The following TSBP1 variants were observed in gnomAD, a reference collection of about 807,000 sequenced individuals.
The protein encoded by TSBP1 is testis expressed basic protein 1, also known as testis-expressed basic protein 1.
Under a neutral mutation model 68.8 loss-of-function variants are expected in TSBP1, and 56 were observed. The ratio of observed to expected loss-of-function variants is 0.81; its 90% CI spans 0.66 to 1.02. The LOEUF is 1.02. Ranked by LOEUF, TSBP1 falls within the 50% of genes least tolerant of loss-of-function variation. The probability of loss-of-function intolerance (pLI) is 0.00; values close to 1 mark genes in which losing one functional copy is unlikely to be tolerated. For synonymous variants in TSBP1, 171 were observed against 208.7 expected (o/e 0.82, Z 1.56); for missense variants, 502 against 641.2 (o/e 0.78, Z 2.34).
chr6:32,361,041 C>T lies in TSBP1; in HGVS notation c.217+5126G>A, dbSNP rs1213080673. 3.3e-5 allele frequency among the ~76,000 whole-genome samples: 5 copies of T among 152,058 alleles called. No homozygotes were observed. The highest frequency in any genetic ancestry group is 9.7e-5 in the African/African-American group (4 of 41,368). On this transcript the variant is annotated intron_variant, in intron 6 of 22. Coordinates refer to ENST00000612031, the Ensembl canonical transcript of TSBP1. The surrounding 1 kb of genome is among the most constrained non-coding windows in gnomAD (Gnocchi z 4.3). ...CTATCCCTCCCTGCTTCCCCCACCC[C>T]GCAACAGGCCCCAGTGTGTGATGTT...
At chr6:32,293,870 G>A (rs1388553888) in exon 23 of TSBP1, 12 of 1,612,790 alleles carry the variant, frequency 7.4e-6, no homozygotes, top group Non-Finnish European at 5.1e-6. Context: ...TATGTGTGCT[G>A]ATTTCAAGGA....
intron 4 of TSBP1, 144 bp downstream of exon 4, chr6:32,367,781 A>AAGAG (rs3038543): frequency 0.79 from 406,306 of 517,474 alleles, 161,334 homozygotes; most frequent in East Asian, 0.94. Context: ...TTTCTTGAGA[A>AAGAG]AGAGAGGAGT....
In TSBP1 at chr6:32,316,416, T is replaced by G; in HGVS notation, c.560-624A>C. 6.4e-7 allele frequency: 1 copy of G among 1,555,002 alleles called. No homozygotes were observed. The highest frequency in any genetic ancestry group is 8.7e-7 in the Non-Finnish European group (1 of 1,148,562). On this transcript the variant is annotated intron_variant, in intron 18 of 22. Transcript: ENST00000612031. The surrounding 1 kb of genome is among the most constrained non-coding windows in gnomAD (Gnocchi z 4.5). ...TACTTATAGGTGCTGCCAGCTGACCTAAAAAAATTAGATATCAGTGAAGAT... is the reference window on the plus strand; with the variant it reads ...TACTTATAGGTGCTGCCAGCTGACCGAAAAAAATTAGATATCAGTGAAGAT...
At chr6:32,346,436 A>C (rs1048171817) in intron 9 of TSBP1, among the ~76,000 whole-genome samples, 1 of 152,158 alleles carries the variant, frequency 6.6e-6, no homozygotes, top group African/African-American at 2.4e-5. Context: ...CTTACTCCCT[A>C]AAACACACCA....
chr6:32,370,083 T>C (rs1774213966), intron 1 of TSBP1, 100 bp from the exon 2 acceptor site: 1 of 767,706 alleles, frequency 1.3e-6, no homozygotes, highest in African/African-American at 1.7e-5. Flanking sequence ...TAGACTTTTT[T>C]TCTTTCCCCT....
At chr6:32,307,797 C>T (rs1441131208) in intron 19 of TSBP1, among the ~76,000 whole-genome samples, 5 of 146,448 alleles carry the variant, frequency 3.4e-5, no homozygotes, top group Non-Finnish European at 6.0e-5. Flanking sequence ...TTTTTTGAGA[C>T]AGAATTTCGC....
rs1765448540 is a variant in TSBP1 at position 32,302,951 on chromosome 6, A to T, written c.581-322T>A. Among the ~76,000 whole-genome samples, 1 of 152,192 alleles carries T rather than the reference A, an allele frequency of 6.6e-6. No individual in the cohort carries two copies. The highest frequency in any genetic ancestry group is 2.1e-4 in the South Asian group (1 of 4,824). The stretch of plus-strand genomic sequence containing the variant: ...GCAAGACTCCTGCTTAAGAGCCACC[A>T]ATGGTTCCCCATCTTGGTTTAACAA... On this transcript the variant is annotated intron_variant, in intron 19 of 22. Transcript: ENST00000612031. The surrounding 1 kb of genome is among the most constrained non-coding windows in gnomAD (Gnocchi z 5.1).
At position 32,357,515 on chromosome 6, in the gene TSBP1, A is replaced by T. The variant is rs3117113; in HGVS notation, c.218-1846T>A. Among the ~76,000 whole-genome samples the T allele has an allele frequency of 6.6e-6, 1 of 151,972 alleles. No homozygotes were observed. Among genetic ancestry groups the T allele is most frequent in the African/African-American group, 2.4e-5 (1 of 41,356 alleles). On this transcript the variant is annotated intron_variant, in intron 6 of 22. Transcript: ENST00000612031. This position sits in a 1 kb window ranked among gnomAD's most constrained non-coding sequence, Gnocchi z 4.7. ...AGGGATAACAATAGTAAATTACTTT[A>T]TTCATTTAAGAGGTACTTATTAAGG... is the stretch of plus-strand genomic sequence containing the variant.
intron 9 of TSBP1, 134 bp from the exon 11 acceptor site, chr6:32,339,772 G>A (rs1388610895): frequency 8.1e-6 from 4 of 494,172 alleles, no homozygotes; most frequent in Non-Finnish European, 1.5e-5. Flanking sequence ...AGCTGAGTCC[G>A]ACTTTTGCTA....
rs1194753713 is a variant in TSBP1 at position 32,340,796 on chromosome 6, TTTTC to T, written c.350-1162_350-1159del. Among the ~76,000 whole-genome samples, 2 of 128,842 alleles carry T rather than the reference TTTTC, an allele frequency of 1.6e-5. No homozygotes were observed. The highest frequency in any genetic ancestry group is 5.4e-5 in the African/African-American group (2 of 37,208). The allele number at this position is 128,842 out of a possible 152,430, so 84.5% of individuals were successfully genotyped here. A position where few individuals can be genotyped will look rare whatever the true frequency, so the allele number is the denominator to read the frequency against. On this transcript the variant is annotated intron_variant, in intron 9 of 22. Coordinates refer to ENST00000612031, the Ensembl canonical transcript of TSBP1. This position sits in a 1 kb window ranked among gnomAD's most constrained non-coding sequence, Gnocchi z 4.8. ...TATGGAATAATGAGGAGAAAGGAAT[TTTTC>T]TTTCTTTTTTTTTTTGAGACAATCT... is the stretch of plus-strand genomic sequence containing the variant.
rs751978048 is a variant in TSBP1, at chr6:32,367,966, A to G, written c.134-9T>C. ...GTCCAGAAGTCTAGCACCTAGAAAA[A>G]AAGGGAGAGCACATGATTTTGCTTC... is the stretch of plus-strand genomic sequence containing the variant. On this transcript the variant is annotated splice_polypyrimidine_tract_variant and intron_variant, in intron 3 of 22. Coordinates refer to ENST00000612031, the Ensembl canonical transcript of TSBP1. 1 of 1,605,818 alleles carries G rather than the reference A, an allele frequency of 6.2e-7. No homozygotes were observed. Among genetic ancestry groups the G allele is most frequent in the Non-Finnish European group, 8.5e-7 (1 of 1,177,398 alleles).
At chr6:32,328,672 C>T (rs1368350734) in intron 16 of TSBP1, among the ~76,000 whole-genome samples, 1 of 152,132 alleles carries the variant, frequency 6.6e-6, no homozygotes, top group African/African-American at 2.4e-5. Flanking sequence ...CCACCTTGGC[C>T]TCCCAAAGTG....
chr6:32,356,669 G>A (rs1175839114), intron 6 of TSBP1, among the ~76,000 whole-genome samples: 2 of 151,734 alleles, frequency 1.3e-5, no homozygotes, highest in Non-Finnish European at 1.5e-5. Flanking sequence ...GCAGTAAGCC[G>A]AGATAGTGCC....
rs570717615 is a variant in TSBP1 at position 32,355,256 on chromosome 6, C to T, written c.239-112G>A. ...CCTTCTCAGGAGTTAAAGTCTAGGC[C>T]CCGGGAGTCATCACTGATCTGGTGA... On this transcript the variant is annotated intron_variant, in intron 7 of 22. Coordinates refer to ENST00000612031, the Ensembl canonical transcript of TSBP1. 4.7e-6 allele frequency: 5 copies of T among 1,074,302 alleles called. No homozygotes were observed. In the Admixed American group the frequency reaches 7.2e-5, roughly 15 times the overall value. The allele number at this position is 1,074,302 out of a possible 1,614,324, so 66.5% of individuals were successfully genotyped here.
At chr6:32,359,332 G>A (rs1474199747) in intron 6 of TSBP1, among the ~76,000 whole-genome samples, 2 of 151,836 alleles carry the variant, frequency 1.3e-5, no homozygotes, top group African/African-American at 4.8e-5. Flanking sequence ...TTTAATGATC[G>A]CCATTCTAAC....
chr6:32,320,177 C>T (rs761674658), intron 18 of TSBP1: 10 of 456,290 alleles, frequency 2.2e-5, no homozygotes, highest in Non-Finnish European at 4.0e-5. Flanking sequence ...GGTTGTGGCT[C>T]TCTTCTTGGT....
intron 16 of TSBP1, chr6:32,324,804 C>G (rs2127591722): frequency 7.5e-7 from 1 of 1,327,994 alleles, no homozygotes; most frequent in East Asian, 2.5e-5. Flanking sequence ...TAATCAAAGG[C>G]ACTAGAAATT....
rs6930477 is a variant in TSBP1 at position 32,357,622 on chromosome 6, T to C, written c.218-1953A>G. ...GAAACAAGGTAGGAGGCAAGAGATATTGGTGTTTGGGCAAGGATTGTCATG... is the reference window on the plus strand; with the variant it reads ...GAAACAAGGTAGGAGGCAAGAGATACTGGTGTTTGGGCAAGGATTGTCATG... On this transcript the variant is annotated intron_variant, in intron 6 of 22. Coordinates refer to ENST00000612031, the Ensembl canonical transcript of TSBP1. The surrounding 1 kb of genome is among the most constrained non-coding windows in gnomAD (Gnocchi z 4.7). Among the ~76,000 whole-genome samples, 44,254 of 151,948 alleles carry C rather than the reference T, an allele frequency of 0.29. 7,461 individuals are homozygous for C. The highest frequency in any genetic ancestry group is 0.44 in the African/African-American group (18,313 of 41,420).
exon 10 of TSBP1, chr6:32,339,610 T>C: frequency 7.8e-7 from 1 of 1,280,636 alleles, no homozygotes; most frequent in Non-Finnish European, 1.1e-6. Context: ...AAGGAGGTTC[T>C]TCAGTTGTTT....
Sources: gnomAD v4.1 joint callset for allele counts (sites outside exome capture counted in the v4.1 genomes callset) on GRCh38, gnomAD v4.1.1 for gene constraint, Gnocchi (gnomAD v3.1) non-coding constraint, MANE v1.5 for transcripts, NCBI Gene and HGNC (gene_info 2026-07-23, HGNC 2026-07-21) for gene names.